The following SLC44A5 variants were observed in gnomAD, a reference collection of about 807,000 sequenced individuals.
The protein encoded by SLC44A5 is solute carrier family 44 member 5.
SLC44A5 carries 57 observed loss-of-function variants against 101.8 expected under a neutral mutation model. The observed-to-expected ratio is 0.56, with a 90% CI of 0.45 to 0.70. SLC44A5 has a LOEUF of 0.70. SLC44A5 is among the 30% of genes least tolerant of loss of function. The probability of loss-of-function intolerance (pLI) is 0.00; values close to 1 mark genes in which losing one functional copy is unlikely to be tolerated. For synonymous variants in SLC44A5, 281 were observed against 290.9 expected (o/e 0.97, Z 0.35); for missense variants, 737 against 853.1 (o/e 0.86, Z 1.70).
At chr1:75,356,176 G>A (rs1448144525) in intron 3 of SLC44A5, among the ~76,000 whole-genome samples, 4 of 133,682 alleles carry the variant, frequency 3.0e-5, no homozygotes, top group Admixed American at 9.4e-5. Flanking sequence ...TAGTGCTACT[G>A]CACTCCAGCC....
At chr1:75,206,591 A>G (rs1646752349) in intron 23 of SLC44A5, 2 of 1,470,062 alleles carry the variant, frequency 1.4e-6, no homozygotes, top group South Asian at 2.4e-5. Context: ...AATGAGTGAC[A>G]CTGTTTGGAG....
rs10598515 is a variant in SLC44A5, at chr1:75,368,643, GCACACA to G, written c.52+27934_52+27939del. Among the ~76,000 whole-genome samples, 924 of 144,086 alleles carry G rather than the reference GCACACA, an allele frequency of 6.4e-3. 10 individuals carry two copies. Among genetic ancestry groups the G allele is most frequent in the African/African-American group, 0.021 (835 of 39,084 alleles). The allele number at this position is 144,086 out of a possible 152,430, so 94.5% of individuals were successfully genotyped here. On this transcript the variant is annotated intron_variant, in intron 3 of 23. Coordinates refer to ENST00000370859, the MANE Select transcript of SLC44A5 (RefSeq NM_001130058.2). The stretch of plus-strand genomic sequence containing the variant: ...CTCTCTGTCTCTTTAAAATGTGCAT[GCACACA>G]CACACACACACACACACACACACCA...
chr1:75,572,599 G>A (rs1430752142), intron 1 of SLC44A5, among the ~76,000 whole-genome samples: 1 of 152,064 alleles, frequency 6.6e-6, no homozygotes, highest in Non-Finnish European at 1.5e-5. Context: ...GAAGTACCAA[G>A]GTAAAAAGAA....
chr1:75,636,390 T>C, the SLC44A5 span, among the ~76,000 whole-genome samples: 45 of 152,228 alleles, frequency 3.0e-4, no homozygotes, highest in African/African-American at 1.0e-3. Flanking sequence ...ATTTATAAAG[T>C]ATAAGCAGAC....
intron 2 of SLC44A5, among the ~76,000 whole-genome samples, chr1:75,451,205 A>C (rs1665889555): frequency 6.6e-6 from 1 of 152,164 alleles, no homozygotes; most frequent in Non-Finnish European, 1.5e-5. Context: ...TGCCCACCAG[A>C]GCTGAGCAGG....
the SLC44A5 span, among the ~76,000 whole-genome samples, chr1:75,623,144 A>G: frequency 6.6e-6 from 1 of 152,172 alleles, no homozygotes; most frequent in African/African-American, 2.4e-5. Flanking sequence ...CATAGTATTT[A>G]CAGTTTTACA....
chr1:75,352,554 C>T (rs947258921), intron 3 of SLC44A5, among the ~76,000 whole-genome samples: 2 of 151,892 alleles, frequency 1.3e-5, no homozygotes, highest in African/African-American at 2.4e-5. Flanking sequence ...ATCTCATTAG[C>T]AATTAGGAAG....
At chr1:75,489,709 A>T (rs1668336206) in intron 2 of SLC44A5, among the ~76,000 whole-genome samples, 1 of 150,448 alleles carries the variant, frequency 6.6e-6, no homozygotes, top group Non-Finnish European at 1.5e-5. Flanking sequence ...AAGACAACTT[A>T]AAAAAATTTG....
intron 5 of SLC44A5, among the ~76,000 whole-genome samples, chr1:75,277,340 T>C (rs1043846003): frequency 4.6e-5 from 7 of 152,320 alleles, no homozygotes; most frequent in Non-Finnish European, 7.4e-5. Flanking sequence ...CTGAGTCTTA[T>C]AGCATGCCTA....
At chr1:75,414,831 C>T (rs1434733273) in intron 2 of SLC44A5, among the ~76,000 whole-genome samples, 1 of 152,122 alleles carries the variant, frequency 6.6e-6, no homozygotes, top group African/African-American at 2.4e-5. Context: ...ACCAAAATGA[C>T]AGTGGAAGAG....
intron 2 of SLC44A5, among the ~76,000 whole-genome samples, chr1:75,406,433 C>A (rs1662871914): frequency 6.6e-6 from 1 of 152,144 alleles, no homozygotes; most frequent in Admixed American, 6.6e-5. Flanking sequence ...AGGCCAGTAT[C>A]CTGATGAACA....
chr1:75,526,201 C>T (rs1199939913), intron 2 of SLC44A5, among the ~76,000 whole-genome samples: 1 of 152,190 alleles, frequency 6.6e-6, no homozygotes, highest in Non-Finnish European at 1.5e-5. Context: ...CCGTCCCCTC[C>T]ACCACAGACA....
At chr1:75,700,626 A>C in the SLC44A5 span, among the ~76,000 whole-genome samples, 1 of 152,224 alleles carries the variant, frequency 6.6e-6, no homozygotes, top group Non-Finnish European at 1.5e-5. Flanking sequence ...CACATTCAAA[A>C]GCTAGCAGAA....
intron 3 of SLC44A5, among the ~76,000 whole-genome samples, chr1:75,385,850 C>G (rs995607195): frequency 4.6e-5 from 7 of 152,028 alleles, no homozygotes; most frequent in Non-Finnish European, 7.4e-5. Context: ...CATCCAAAAG[C>G]TTATCCACCA....
At chr1:75,234,914 C>T (rs904266788) in intron 11 of SLC44A5, among the ~76,000 whole-genome samples, 9 of 152,038 alleles carry the variant, frequency 5.9e-5, no homozygotes, top group African/African-American at 1.9e-4. Context: ...TCATTAAGAT[C>T]GGAAAGTTGG....
At chr1:75,641,607 G>C in the SLC44A5 span, 1 of 1,502,476 alleles carries the variant, frequency 6.7e-7, no homozygotes, top group Non-Finnish European at 9.3e-7. Flanking sequence ...CATTCTTTGG[G>C]ATTATTTGGG....
At chr1:75,372,325 T>C (rs1179603677) in intron 3 of SLC44A5, among the ~76,000 whole-genome samples, 1 of 152,086 alleles carries the variant, frequency 6.6e-6, no homozygotes, top group Non-Finnish European at 1.5e-5. Context: ...TTACACTTAC[T>C]TTTCCCCAGA....
At chr1:75,690,307 ATCAGATC>A in the SLC44A5 span, among the ~76,000 whole-genome samples, 39,392 of 151,584 alleles carry the variant, frequency 0.26, 6,300 homozygotes, top group East Asian at 0.67. Context: ...TTGTAAAACC[ATCAGATC>A]TCATGAGAAC....
chr1:75,335,949 A>T (rs552698549), intron 4 of SLC44A5, among the ~76,000 whole-genome samples: 5 of 152,188 alleles, frequency 3.3e-5, no homozygotes, highest in African/African-American at 9.6e-5. Flanking sequence ...TGCACAGCCC[A>T]TGTTACTTGT....
Sources: gnomAD v4.1 joint callset for allele counts (sites outside exome capture counted in the v4.1 genomes callset) on GRCh38, gnomAD v4.1.1 for gene constraint, MANE v1.5 for transcripts, NCBI Gene and HGNC (gene_info 2026-07-23, HGNC 2026-07-21) for gene names.